PIBF1: variants seen among roughly 807,000 people sequenced by gnomAD.
The protein encoded by PIBF1 is progesterone-induced-blocking factor 1.
Under a neutral mutation model 112.5 loss-of-function variants are expected in PIBF1, and 90 were observed. The ratio of observed to expected loss-of-function variants is 0.80; its 90% CI spans 0.67 to 0.95. The LOEUF (loss-of-function observed/expected upper bound fraction) is 0.95, where lower values mean the gene tolerates loss of function less well. PIBF1 is among the 40% of genes least tolerant of loss of function. PIBF1 has a pLI of 0.00. For missense variants in PIBF1, 915 were observed against 852.3 expected (o/e 1.07, Z -0.92); for synonymous variants, 301 against 288.6 (o/e 1.04, Z -0.44).
At chr13:72,953,371 C>G (rs1426833017) in intron 14 of PIBF1, among the ~76,000 whole-genome samples, 1 of 152,134 alleles carries the variant, frequency 6.6e-6, no homozygotes, top group African/African-American at 2.4e-5. Flanking sequence ...TGCGGCACTC[C>G]CCCTTTACCT....
intron 9 of PIBF1, among the ~76,000 whole-genome samples, chr13:72,843,075 T>C (rs1173985998): frequency 1.3e-5 from 2 of 152,124 alleles, no homozygotes; most frequent in African/African-American, 4.8e-5. Context: ...TAAAGTAAGA[T>C]TGGGCCAGAT....
At chr13:72,913,531 A>G (rs1009109409) in intron 12 of PIBF1, among the ~76,000 whole-genome samples, 1 of 152,148 alleles carries the variant, frequency 6.6e-6, no homozygotes, top group Non-Finnish European at 1.5e-5. Flanking sequence ...TAACCCCAGC[A>G]TTTTGGGAGA....
intron 16 of PIBF1, among the ~76,000 whole-genome samples, chr13:72,976,297 A>AGGGAGG (rs1267347466): frequency 2.7e-5 from 4 of 149,602 alleles, no homozygotes; most frequent in African/African-American, 9.8e-5. Flanking sequence ...AAAGAGAAAG[A>AGGGAGG]GGGAGGGAGG....
intron 9 of PIBF1, among the ~76,000 whole-genome samples, chr13:72,848,506 A>G (rs1244805523): frequency 6.6e-6 from 1 of 152,210 alleles, no homozygotes; most frequent in Non-Finnish European, 1.5e-5. Context: ...AATTATGTCT[A>G]TTTTGTTATA....
chr13:72,834,641 A>G (rs1356138916), intron 8 of PIBF1, among the ~76,000 whole-genome samples: 2 of 152,144 alleles, frequency 1.3e-5, no homozygotes, highest in African/African-American at 2.4e-5. Flanking sequence ...AGAAAAAAAT[A>G]CTAAAACAAA....
At chr13:72,950,506 ATTTG>A (rs777703525) in intron 14 of PIBF1, among the ~76,000 whole-genome samples, 4 of 152,046 alleles carry the variant, frequency 2.6e-5, no homozygotes, top group South Asian at 2.1e-4. Context: ...TCTCAAATAA[ATTTG>A]TTTATTTATG....
At chr13:72,886,334 T>A (rs2039851976) in intron 10 of PIBF1, among the ~76,000 whole-genome samples, 1 of 151,952 alleles carries the variant, frequency 6.6e-6, no homozygotes, top group South Asian at 2.1e-4. Context: ...TAAATACTCT[T>A]GGTTCGGAGG....
chr13:72,803,071 G>A (rs2035559372), intron 5 of PIBF1, among the ~76,000 whole-genome samples: 2 of 152,158 alleles, frequency 1.3e-5, no homozygotes, highest in Non-Finnish European at 2.9e-5. Context: ...GAGTAGTTCT[G>A]GAGGAGGGAT....
chr13:72,872,599 A>G (rs763467492), intron 10 of PIBF1, among the ~76,000 whole-genome samples: 3 of 152,154 alleles, frequency 2.0e-5, no homozygotes, highest in Non-Finnish European at 4.4e-5. Flanking sequence ...ATGTTTTAGG[A>G]GTTTTGTTTA....
At chr13:72,920,985 A>G (rs2041266891) in intron 13 of PIBF1, among the ~76,000 whole-genome samples, 1 of 152,224 alleles carries the variant, frequency 6.6e-6, no homozygotes, top group Admixed American at 6.5e-5. Flanking sequence ...CATTCATATT[A>G]AATTTGATTT....
Position 72,973,578 on chromosome 13 carries a change from T to C in PIBF1, c.1965-13T>C. The C allele has an allele frequency of 7.3e-7, 1 of 1,365,658 alleles. No homozygotes were observed. Among genetic ancestry groups the C allele is most frequent in the Non-Finnish European group, 1.0e-6 (1 of 993,206 alleles). 84.6% of individuals were successfully genotyped at this position (1,365,658 alleles called of 1,614,324 possible). A position where few individuals can be genotyped will look rare whatever the true frequency, so the allele number is the denominator to read the frequency against. On this transcript the variant is annotated splice_polypyrimidine_tract_variant and intron_variant, in intron 15 of 17. Transcript: ENST00000326291. ...ACATAATGACTTTTTAAAACTGGGGTTTTTTTTTTCAGCAACTTAAATAAA... is the reference window on the plus strand; with the variant it reads ...ACATAATGACTTTTTAAAACTGGGGCTTTTTTTTTCAGCAACTTAAATAAA...
At chr13:72,927,968 T>C (rs1452299242) in intron 13 of PIBF1, among the ~76,000 whole-genome samples, 14,084 of 122,032 alleles carry the variant, frequency 0.12, 1,186 homozygotes, top group Non-Finnish European at 0.17. Context: ...TACACATATA[T>C]ATATATATAC....
At chr13:73,010,823 T>C (rs1470581575) in intron 17 of PIBF1, among the ~76,000 whole-genome samples, 1 of 116,272 alleles carries the variant, frequency 8.6e-6, no homozygotes, top group South Asian at 3.1e-4. Context: ...TTTTTTTTTT[T>C]TTTTTTTTTT....
intron 2 of PIBF1, among the ~76,000 whole-genome samples, chr13:72,784,000 G>C (rs892294490): frequency 1.3e-5 from 2 of 151,326 alleles, no homozygotes; most frequent in Non-Finnish European, 2.9e-5. Flanking sequence ...AGATCTATTG[G>C]ACAGCATGGT....
At chr13:72,790,457 ACACACACTTATAGATAGAT>A (rs1277236384) in intron 2 of PIBF1, among the ~76,000 whole-genome samples, 4 of 145,512 alleles carry the variant, frequency 2.7e-5, no homozygotes, top group African/African-American at 1.1e-4. Context: ...ACACACACAC[ACACACACTTATAGATAGAT>A]CACACACACC....
chr13:72,787,693 C>G (rs1182779879), intron 2 of PIBF1, among the ~76,000 whole-genome samples: 2 of 152,110 alleles, frequency 1.3e-5, no homozygotes, highest in East Asian at 3.8e-4. Flanking sequence ...GAGTCTCACT[C>G]TGTTGCCCAG....
chr13:72,968,108 T>C (rs184944767), intron 15 of PIBF1, among the ~76,000 whole-genome samples: 17,386 of 150,728 alleles, frequency 0.12, 2,865 homozygotes, highest in African/African-American at 0.37. Flanking sequence ...GGCGTGAACC[T>C]GGGAGGCAGA....
intron 16 of PIBF1, among the ~76,000 whole-genome samples, chr13:72,993,326 GAAAATA>G (rs144725642): frequency 0.042 from 6,298 of 150,754 alleles, 220 homozygotes; most frequent in East Asian, 0.14. Flanking sequence ...CCTGTCTCCA[GAAAATA>G]AAAATAAAAA....
intron 10 of PIBF1, among the ~76,000 whole-genome samples, chr13:72,863,066 A>G (rs907690431): frequency 6.6e-5 from 10 of 152,238 alleles, no homozygotes; most frequent in African/African-American, 2.4e-4. Flanking sequence ...GAAAGAATCA[A>G]TAGTTTTATG....
Sources: allele counts gnomAD v4.1 joint callset (sites outside exome capture counted in the v4.1 genomes callset), GRCh38; gene constraint gnomAD v4.1.1; transcripts MANE v1.5; gene names NCBI Gene and HGNC (gene_info 2026-07-23, HGNC 2026-07-21).